ROCK2: variants seen among roughly 807,000 people sequenced by gnomAD.
The protein encoded by ROCK2 is Rho associated coiled-coil containing protein kinase 2, also known as rho-associated protein kinase 2.
A neutral mutation model predicts 195.1 loss-of-function variants in ROCK2; 61 were observed. The observed-to-expected ratio is 0.31, with a 90% CI of 0.25 to 0.39. The LOEUF (loss-of-function observed/expected upper bound fraction) is 0.39, where lower values mean the gene tolerates loss of function less well. Among genes scored for constraint, ROCK2 ranks in the 10% least tolerant of loss-of-function variants. The probability of loss-of-function intolerance (pLI) is 1.00; values close to 1 mark genes in which losing one functional copy is unlikely to be tolerated. For synonymous variants in ROCK2, 504 were observed against 545.5 expected, an observed-to-expected ratio of 0.92 and a Z score of 1.06; for missense variants, 1,109 against 1,637.4, an observed-to-expected ratio of 0.68 and a Z score of 5.57.
chr2:11,209,757 T>C (rs1255399725), intron 18 of ROCK2, among the ~76,000 whole-genome samples: 1 of 152,212 alleles, frequency 6.6e-6, no homozygotes, highest in Non-Finnish European at 1.5e-5. Flanking sequence ...CAACATCTAA[T>C]TATCATCTAT....
At chr2:11,198,812 T>C in intron 23 of ROCK2, 38 bp from the exon 24 acceptor site, 3 of 1,105,342 alleles carry the variant, frequency 2.7e-6, no homozygotes, top group Non-Finnish European at 4.1e-6. Flanking sequence ...CACATCCCAA[T>C]TTACACAATT....
rs777992763 is a variant in ROCK2, at chr2:11,192,425, G to A, written c.3949+26C>T. The A allele has an allele frequency of 2.5e-6, 4 of 1,611,304 alleles. No individual in the cohort carries two copies. The highest frequency in any genetic ancestry group is 1.3e-5 in the African/African-American group (1 of 74,672). On this transcript the variant is annotated intron_variant, in intron 31 of 32. Coordinates refer to ENST00000315872, the MANE Select transcript of ROCK2 (RefSeq NM_004850.5). This position sits in a 1 kb window ranked among gnomAD's most constrained non-coding sequence, Gnocchi z 5.0. ...AAATGATCTGAACATAACCAATATC[G>A]ATGGAGCAAGTAATTTATCATTTAC...
At chr2:11,295,977 AGAGAGAGAGAGAG>A (rs1558369510) in intron 1 of ROCK2, among the ~76,000 whole-genome samples, 8 of 75,854 alleles carry the variant, frequency 1.1e-4, no homozygotes, top group African/African-American at 3.3e-4. Context: ...AGAGAGAGAG[AGAGAGAGAGAGAG>A]GAGAGAGAGA....
At chr2:11,340,483 A>G (rs1308471262) in intron 1 of ROCK2, among the ~76,000 whole-genome samples, 1 of 152,164 alleles carries the variant, frequency 6.6e-6, no homozygotes, top group Non-Finnish European at 1.5e-5. Context: ...TTTTCTTTAA[A>G]TATCTCCTAT....
At chr2:11,241,920 T>C (rs892756783) in intron 4 of ROCK2, among the ~76,000 whole-genome samples, 1 of 152,294 alleles carries the variant, frequency 6.6e-6, no homozygotes, top group East Asian at 1.9e-4. Context: ...TTGAGCCACC[T>C]TGTTAGCATA....
At chr2:11,308,660 G>T in intron 1 of ROCK2, 2 of 1,477,776 alleles carry the variant, frequency 1.4e-6, no homozygotes, top group Non-Finnish European at 1.9e-6. Flanking sequence ...TTCAAGAAAA[G>T]AAGATACATA....
chr2:11,246,980 C>T (rs183793199), intron 4 of ROCK2, among the ~76,000 whole-genome samples: 140 of 151,354 alleles, frequency 9.2e-4, no homozygotes, highest in Admixed American at 1.8e-3. Context: ...GATGAATGAA[C>T]GAAGTGTGGT....
intron 1 of ROCK2, among the ~76,000 whole-genome samples, chr2:11,294,147 ACTCCCGTC>A (rs1245719068): frequency 2.0e-5 from 3 of 151,782 alleles, no homozygotes; most frequent in Non-Finnish European, 4.4e-5. Flanking sequence ...ACAGAGTGAG[ACTCCCGTC>A]TCAAAAAAAA....
chr2:11,194,243 C>CA lies in ROCK2; in HGVS notation c.3608+12dup. ...AAGATATAGTTTCTAAATATTCTAA[C>CA]AAAAACACTTACTCTATATCTAAAA... On this transcript the variant is annotated intron_variant, in intron 29 of 32. Transcript: ENST00000315872. The CA allele has an allele frequency of 8.4e-7, 1 of 1,196,182 alleles. No individual in the cohort carries two copies. Among genetic ancestry groups the CA allele is most frequent in the South Asian group, 1.8e-5 (1 of 55,878 alleles). 74.1% of individuals were successfully genotyped at this position (1,196,182 alleles called of 1,614,324 possible). A position where few individuals can be genotyped will look rare whatever the true frequency, so the allele number is the denominator to read the frequency against.
chr2:11,232,079 C>T (rs556603832), intron 5 of ROCK2, among the ~76,000 whole-genome samples: 1 of 151,984 alleles, frequency 6.6e-6, no homozygotes, highest in Non-Finnish European at 1.5e-5. Flanking sequence ...CTGTATAAAA[C>T]CAAGTCACAG....
chr2:11,234,205 T>C (rs767269148), intron 5 of ROCK2: 25 of 152,172 alleles, frequency 1.6e-4, no homozygotes, highest in Admixed American at 1.6e-3. Flanking sequence ...TTTGCTTACA[T>C]GCTTATACAA....
chr2:11,300,555 C>T (rs116429717), intron 1 of ROCK2, among the ~76,000 whole-genome samples: 6,463 of 152,312 alleles, frequency 0.042, 275 homozygotes, highest in Non-Finnish European at 0.06. Flanking sequence ...TGAGCCACCA[C>T]ACCCGGCCAA....
chr2:11,184,736 C>T, intron 32 of ROCK2: 33 of 984,472 alleles, frequency 3.4e-5, no homozygotes, highest in Non-Finnish European at 4.0e-5. Context: ...CATCAAATGA[C>T]CAATCCCAGT....
intron 3 of ROCK2, among the ~76,000 whole-genome samples, chr2:11,280,080 G>A (rs1666948393): frequency 6.6e-6 from 1 of 151,970 alleles, no homozygotes; most frequent in African/African-American, 2.4e-5. Flanking sequence ...TCCAACTTAG[G>A]AAACTAGAAA....
chr2:11,296,120 T>C (rs1385687621), intron 1 of ROCK2, among the ~76,000 whole-genome samples: 1 of 146,626 alleles, frequency 6.8e-6, no homozygotes, highest in East Asian at 2.0e-4. Context: ...GGCAAGATGG[T>C]GGAGGAACAA....
chr2:11,210,427 T>C (rs748078132), intron 18 of ROCK2, among the ~76,000 whole-genome samples: 4 of 151,980 alleles, frequency 2.6e-5, no homozygotes, highest in Non-Finnish European at 5.9e-5. Flanking sequence ...TCAAGCAATG[T>C]TCCTGCATCA....
In ROCK2 at chr2:11,268,506, A is replaced by G. The variant is rs866643212; in HGVS notation, c.324+18033T>C. On this transcript the variant is annotated intron_variant, in intron 3 of 32. Transcript: ENST00000315872. Reference sequence around the variant, plus strand: ...TTTTTCCTTGTGTGTGTGTGTGTGTATTTAACAGTTTTGCACTGTGTGTGT... The same window carrying G: ...TTTTTCCTTGTGTGTGTGTGTGTGTGTTTAACAGTTTTGCACTGTGTGTGT... 5.5e-4 allele frequency among the ~76,000 whole-genome samples: 40 copies of G among 73,018 alleles called. 1 individual carries two copies. The highest frequency in any genetic ancestry group is 2.7e-3 in the South Asian group (5 of 1,852). 47.9% of individuals were successfully genotyped at this position (73,018 alleles called of 152,430 possible).
chr2:11,261,355 T>C (rs1423901977), intron 3 of ROCK2, among the ~76,000 whole-genome samples: 2 of 152,246 alleles, frequency 1.3e-5, no homozygotes. Context: ...CCACTGATTA[T>C]CCTTTGAGGA....
At chr2:11,216,070 C>T (rs1664416066) in intron 13 of ROCK2, 88 bp downstream of exon 13, 1 of 1,013,524 alleles carries the variant, frequency 9.9e-7, no homozygotes, top group Non-Finnish European at 1.6e-6. Flanking sequence ...GCACGTATTA[C>T]TATGGTACCA....
Sources: allele counts gnomAD v4.1 joint callset (sites outside exome capture counted in the v4.1 genomes callset), GRCh38; gene constraint gnomAD v4.1.1; non-coding constraint Gnocchi (gnomAD v3.1); transcripts MANE v1.5; gene names NCBI Gene and HGNC (gene_info 2026-07-23, HGNC 2026-07-21).